PTGR2: variants seen among roughly 807,000 people sequenced by gnomAD.
PTGR2 encodes the protein prostaglandin reductase 2.
A neutral mutation model predicts 43.4 loss-of-function variants in PTGR2; 32 were observed. The ratio of observed to expected loss-of-function variants is 0.74; its 90% CI spans 0.56 to 0.99. The LOEUF (loss-of-function observed/expected upper bound fraction) is 0.99, where lower values mean the gene tolerates loss of function less well. PTGR2 is among the 50% of genes least tolerant of loss of function. The probability of loss-of-function intolerance (pLI) is 0.00; values close to 1 mark genes in which losing one functional copy is unlikely to be tolerated. For synonymous variants in PTGR2, 106 were observed against 139.2 expected, an observed-to-expected ratio of 0.76 and a Z score of 1.68; for missense variants, 373 against 420.0, an observed-to-expected ratio of 0.89 and a Z score of 0.98.
intron 4 of PTGR2, among the ~76,000 whole-genome samples, chr14:73,876,368 G>A (rs2054864706): frequency 6.6e-6 from 1 of 152,108 alleles, no homozygotes; most frequent in African/African-American, 2.4e-5. Context: ...TTCTGGTGAG[G>A]CCCCTCCTCC....
chr14:73,878,343 T>A (rs1343007305), intron 5 of PTGR2: 2 of 152,242 alleles, frequency 1.3e-5, no homozygotes, highest in Non-Finnish European at 2.9e-5. Context: ...TGCGAAATTT[T>A]ATTTTTTTAA....
intron 3 of PTGR2, among the ~76,000 whole-genome samples, chr14:73,872,834 G>A (rs777164864): frequency 2.0e-5 from 3 of 151,920 alleles, no homozygotes; most frequent in Non-Finnish European, 2.9e-5. Context: ...AAAATTAGCC[G>A]GGTGTGGTGG....
rs536284092 is a variant in PTGR2 at position 73,857,159 on chromosome 14, G to A, written c.-47-1657G>A. On this transcript the variant is annotated intron_variant, in intron 1 of 9. Transcript: ENST00000555661. ...TTACTTATTGGCCATATTGTGATAT[G>A]GAATTTCCTATAAGGTAAGGATTTT... 2.1e-3 allele frequency among the ~76,000 whole-genome samples: 316 copies of A among 150,958 alleles called. 2 individuals are homozygous for A. Among genetic ancestry groups the A allele is most frequent in the African/African-American group, 7.2e-3 (298 of 41,220 alleles).
intron 2 of PTGR2, 29 bp from the exon 3 acceptor site, chr14:73,860,510 T>A (rs758266283): frequency 4.2e-6 from 5 of 1,194,890 alleles, no homozygotes; most frequent in African/African-American, 1.5e-5. Context: ...TGGCTTTTTT[T>A]AACTTTATAT....
intron 4 of PTGR2, among the ~76,000 whole-genome samples, chr14:73,875,226 G>A (rs1330985478): frequency 2.6e-5 from 4 of 151,900 alleles, no homozygotes; most frequent in African/African-American, 9.7e-5. Flanking sequence ...TTGAACTCCT[G>A]GCCTCAACCG....
In PTGR2 at chr14:73,869,055, C is replaced by T. The variant is rs199779853; in HGVS notation, c.157-4968C>T. Among the ~76,000 whole-genome samples the T allele has an allele frequency of 3.3e-5, 5 of 152,292 alleles. No homozygotes were observed. The East Asian group carries it at 9.6e-4, about 29-fold the overall frequency. On this transcript the variant is annotated intron_variant, in intron 3 of 9. Transcript: ENST00000555661. ...CCTCTTCCCACTCCTTTCCCTTTAC[C>T]TGGTAATCCCTGTTATTCCCTAGAT...
chr14:73,856,221 T>C (rs1251310992), intron 1 of PTGR2, among the ~76,000 whole-genome samples: 1 of 152,020 alleles, frequency 6.6e-6, no homozygotes, highest in Non-Finnish European at 1.5e-5. Context: ...AGTTACCCTA[T>C]ATAGGTATAC....
chr14:73,868,150 G>A (rs535781487), intron 3 of PTGR2, among the ~76,000 whole-genome samples: 1 of 152,116 alleles, frequency 6.6e-6, no homozygotes, highest in African/African-American at 2.4e-5. Flanking sequence ...TTAGCCAGGC[G>A]TGGTGGCACA....
chr14:73,870,756 G>A (rs2054708929), intron 3 of PTGR2, among the ~76,000 whole-genome samples: 1 of 152,094 alleles, frequency 6.6e-6, no homozygotes, highest in African/African-American at 2.4e-5. Context: ...CTCCCAAAGT[G>A]GTGGGTTTAC....
At chr14:73,871,464 A>C (rs572737879) in intron 3 of PTGR2, among the ~76,000 whole-genome samples, 39 of 151,432 alleles carry the variant, frequency 2.6e-4, no homozygotes, top group Admixed American at 6.6e-5. Flanking sequence ...ATAAACAGTA[A>C]ATGTGAGTAA....
At chr14:73,857,664 G>GTTTTGTTTT (rs2054383610) in intron 1 of PTGR2, among the ~76,000 whole-genome samples, 1 of 64,696 alleles carries the variant, frequency 1.5e-5, no homozygotes, top group African/African-American at 6.2e-5. Context: ...AGCAGTTAGT[G>GTTTTGTTTT]TTTTTTTTTT....
At chr14:73,855,604 C>T (rs2054327655) in intron 1 of PTGR2, among the ~76,000 whole-genome samples, 1 of 151,662 alleles carries the variant, frequency 6.6e-6, no homozygotes, top group Non-Finnish European at 1.5e-5. Context: ...CACCACCATG[C>T]CTGGCTGATT....
At chr14:73,874,270 G>T (rs745584716) in intron 4 of PTGR2, 56 bp downstream of exon 4, 4 of 1,303,264 alleles carry the variant, frequency 3.1e-6, no homozygotes, top group Non-Finnish European at 4.3e-6. Context: ...CTTACTTTGT[G>T]CATTTGATAT....
chr14:73,867,088 CAAAAAAA>C (rs200945001), intron 3 of PTGR2, among the ~76,000 whole-genome samples: 1 of 100,096 alleles, frequency 1.0e-5, no homozygotes, highest in African/African-American at 3.8e-5. Context: ...GACTCTGTCT[CAAAAAAA>C]AAAAAAAAAA....
chr14:73,870,151 C>T (rs903141777), intron 3 of PTGR2, among the ~76,000 whole-genome samples: 6 of 151,000 alleles, frequency 4.0e-5, no homozygotes, highest in African/African-American at 9.7e-5. Flanking sequence ...TGGGCAGCAA[C>T]GCAAGACCCC....
intron 3 of PTGR2, among the ~76,000 whole-genome samples, chr14:73,866,668 G>A (rs1360305371): frequency 6.6e-6 from 1 of 152,134 alleles, no homozygotes; most frequent in Non-Finnish European, 1.5e-5. Context: ...CGTTATTTCT[G>A]GGTGTGTCTG....
At chr14:73,871,963 G>A (rs1271240646) in intron 3 of PTGR2, among the ~76,000 whole-genome samples, 2 of 152,144 alleles carry the variant, frequency 1.3e-5, no homozygotes, top group Non-Finnish European at 2.9e-5. Context: ...TCTTACAGAA[G>A]CTTCTGCATC....
intron 8 of PTGR2, among the ~76,000 whole-genome samples, chr14:73,881,772 C>CTTTTTTTTTTTT (rs57377878): frequency 2.9e-5 from 2 of 69,242 alleles, no homozygotes; most frequent in African/African-American, 6.9e-5. Flanking sequence ...CTAGGCTATT[C>CTTTTTTTTTTTT]TTTTTTTTTT....
In PTGR2 at chr14:73,874,224, ATATGAACATATC is replaced by A; in HGVS notation, c.348+12_348+23del. ...AAATAGCCTTGAAAAGGTGATATAT[ATATGAACATATC>A]TGATTTTTTTTCCCCGTATAATTCT... On this transcript the variant is annotated intron_variant, in intron 4 of 9. Coordinates refer to ENST00000555661, the MANE Select transcript of PTGR2 (RefSeq NM_001146154.2). 1 of 1,579,206 alleles carries A rather than the reference ATATGAACATATC, an allele frequency of 6.3e-7. No homozygotes were observed. The highest frequency in any genetic ancestry group is 8.6e-7 in the Non-Finnish European group (1 of 1,158,352).
Sources: gnomAD v4.1 joint callset for allele counts (sites outside exome capture counted in the v4.1 genomes callset) on GRCh38, gnomAD v4.1.1 for gene constraint, MANE v1.5 for transcripts, NCBI Gene and HGNC (gene_info 2026-07-23, HGNC 2026-07-21) for gene names.